Variants in MARVELD2 observed in about 807,000 individuals in gnomAD.
MARVELD2 encodes the protein MARVEL domain-containing protein 2.
In MARVELD2, 49 loss-of-function variants were observed where a neutral mutation model predicts 57.6. The observed-to-expected ratio is 0.85, with a 90% confidence interval of 0.68 to 1.08. MARVELD2 has a LOEUF of 1.08. MARVELD2 is among the 50% of genes least tolerant of loss of function. The pLI, the probability that MARVELD2 is intolerant of heterozygous loss-of-function variation, is 0.00. For missense variants in MARVELD2, 606 were observed against 701.1 expected (o/e 0.86, Z 1.53); for synonymous variants, 238 against 258.8 (o/e 0.92, Z 0.77).
At chr5:69,428,524 A>C (rs1479765480) in intron 3 of MARVELD2, among the ~76,000 whole-genome samples, 1 of 110,442 alleles carries the variant, frequency 9.1e-6, no homozygotes, top group Non-Finnish European at 1.9e-5. Context: ...AAATAAATTA[A>C]GTAATTAAAA....
intron 2 of MARVELD2, among the ~76,000 whole-genome samples, chr5:69,421,520 T>G (rs1392268052): frequency 1.3e-5 from 2 of 152,226 alleles, no homozygotes; most frequent in East Asian, 3.8e-4. Context: ...AAATAAAAAT[T>G]AAATCCTGTC....
chr5:69,426,024 G>A (rs1015284425), intron 3 of MARVELD2, among the ~76,000 whole-genome samples: 1 of 151,866 alleles, frequency 6.6e-6, no homozygotes, highest in Non-Finnish European at 1.5e-5. Flanking sequence ...TTATGGGTGT[G>A]AGCCAGCATG....
chr5:69,433,450 C>A (rs1403764474), intron 5 of MARVELD2, among the ~76,000 whole-genome samples: 1 of 129,594 alleles, frequency 7.7e-6, no homozygotes, highest in East Asian at 2.3e-4. Flanking sequence ...CCGCATTTGG[C>A]ATAAAATCTG....
intron 5 of MARVELD2, among the ~76,000 whole-genome samples, chr5:69,435,013 A>G (rs1767087933): frequency 7.4e-6 from 1 of 135,230 alleles, no homozygotes; most frequent in Non-Finnish European, 1.6e-5. Context: ...TTTTTTAATC[A>G]GATGTACTCT....
chr5:69,427,503 C>T (rs1301792386), intron 3 of MARVELD2, among the ~76,000 whole-genome samples: 1 of 151,756 alleles, frequency 6.6e-6, no homozygotes, highest in Non-Finnish European at 1.5e-5. Flanking sequence ...CTCCGACTTC[C>T]TGGTTCAAGC....
chr5:69,437,545 A>G (rs960419108), intron 5 of MARVELD2, among the ~76,000 whole-genome samples: 3 of 149,648 alleles, frequency 2.0e-5, no homozygotes, highest in Non-Finnish European at 4.5e-5. Flanking sequence ...TTAGCCGAGC[A>G]TGGTGGTGGG....
intron 2 of MARVELD2, among the ~76,000 whole-genome samples, chr5:69,422,922 T>C (rs1195570212): frequency 1.3e-5 from 2 of 152,236 alleles, no homozygotes; most frequent in East Asian, 3.9e-4. Flanking sequence ...GGGATGAATT[T>C]CCCCCAATAT....
rs746347810 is a variant in MARVELD2 at position 69,436,452 on chromosome 5, C to CACAT, written c.1503+3360_1503+3361insCATA. Reference sequence around the variant, plus strand: ...ACACACACACACACACACACACACACATATATATAAATTTTTTACCTGAGA... The same window carrying CACAT: ...ACACACACACACACACACACACACACACATATATATATAAATTTTTTACCTGAGA... On this transcript the variant is annotated intron_variant, in intron 5 of 6. Transcript: ENST00000325631. Among the ~76,000 whole-genome samples, 15 of 69,534 alleles carry CACAT rather than the reference C, an allele frequency of 2.2e-4. No individual in the cohort carries two copies. In the East Asian group the frequency reaches 6.1e-3, roughly 28 times the overall value. 45.6% of individuals were successfully genotyped at this position (69,534 alleles called of 152,430 possible).
chr5:69,433,089 G>T lies in MARVELD2; in HGVS notation c.1499G>T (p.Arg500Leu), dbSNP rs746116082. The change falls in exon 5 of 7, where the codon CGA becomes CTA. Residue 500 changes from arginine to leucine, a missense_variant. By Grantham distance (102) the Arg-to-Leu change is moderately radical. Coordinates refer to ENST00000325631, the MANE Select transcript of MARVELD2 (RefSeq NM_001038603.3). The stretch of plus-strand genomic sequence containing the variant: ...AGATTGCCACATCATTCGGAAAGCC[G>T]ACAGGTTAGTATGTGCAGCTGCCTA... Reference protein sequence around the residue: ...MSRLPHHSESRQEHERISRIH... With the variant: ...MSRLPHHSESLQEHERISRIH... 1 of 1,612,080 alleles carries T rather than the reference G, an allele frequency of 6.2e-7. No individual in the cohort carries two copies. The highest frequency in any genetic ancestry group is 8.5e-7 in the Non-Finnish European group (1 of 1,179,264).
At chr5:69,417,155 A>T (rs1373645988) in intron 1 of MARVELD2, among the ~76,000 whole-genome samples, 1 of 152,224 alleles carries the variant, frequency 6.6e-6, no homozygotes, top group African/African-American at 2.4e-5. Context: ...CTTGTCCCTG[A>T]TAATGGCCTG....
rs150257642 is a variant in MARVELD2 at position 69,420,186 on chromosome 5, C to T, written c.801C>T (p.Thr267=). Reference sequence around the variant, plus strand: ...TTGCTGGATTAGCTTGGATCACCACCATTATTATTCTGGTTCTTGGCATGT... The same window carrying T: ...TTGCTGGATTAGCTTGGATCACCACTATTATTATTCTGGTTCTTGGCATGT... ...LVVAGLAWIT[T]IIILVLGMSM... is the part of the protein sequence containing the mutation. Residue 267 remains threonine, a synonymous_variant, in exon 2 of 7, where the codon ACC becomes ACT. Transcript: ENST00000325631. 6 of 1,614,076 alleles carry T rather than the reference C, an allele frequency of 3.7e-6. No homozygotes were observed. The African/African-American group carries it at 8.0e-5, about 22-fold the overall frequency.
chr5:69,433,116 G>C (rs1362597464), intron 5 of MARVELD2, 23 bp downstream of exon 5: 2 of 1,599,652 alleles, frequency 1.3e-6, no homozygotes, highest in Admixed American at 1.7e-5. Context: ...AGCTGCCTAG[G>C]AGGAGCACTG....
At chr5:69,433,153 CTTTTTTTT>C (rs11345515) in intron 5 of MARVELD2, 60 bp downstream of exon 5, 19 of 478,138 alleles carry the variant, frequency 4.0e-5, no homozygotes, top group African/African-American at 1.3e-4. Context: ...TAAAATCTGG[CTTTTTTTT>C]TTTTTTTTTT....
At chr5:69,415,362 G>A (rs1407785795) in intron 1 of MARVELD2, 192 bp downstream of exon 1, 1 of 152,154 alleles carries the variant, frequency 6.6e-6, no homozygotes, top group Non-Finnish European at 1.5e-5. Context: ...AGGTGCGGCC[G>A]AGCCGCCGTC....
rs1362189061 is a variant in MARVELD2, at chr5:69,442,447, C to G, written c.*793C>G. 1.3e-5 allele frequency: 2 copies of G among 152,140 alleles called. No individual in the cohort carries two copies. The highest frequency in any genetic ancestry group is 2.9e-5 in the Non-Finnish European group (2 of 68,038). The allele number at this position is 152,140 out of a possible 1,614,324, so 9.4% of individuals were successfully genotyped here. A position where few individuals can be genotyped will look rare whatever the true frequency, so the allele number is the denominator to read the frequency against. On this transcript the variant is annotated 3_prime_UTR_variant, in exon 7 of 7. Coordinates refer to ENST00000325631, the MANE Select transcript of MARVELD2 (RefSeq NM_001038603.3). ...TGCTTAATCTCTCTGTGCCTGTTTC[C>G]TCTTCTGTAAAATGGGGCTAATAAT...
intron 5 of MARVELD2, among the ~76,000 whole-genome samples, chr5:69,433,895 A>G (rs1252554345): frequency 2.6e-5 from 4 of 152,116 alleles, no homozygotes; most frequent in Non-Finnish European, 2.9e-5. Flanking sequence ...GTCTTCAATT[A>G]TTAAACAGTA....
Position 69,420,007 on chromosome 5 carries a change from TTTGC to T in MARVELD2, c.626_629del (p.Ala209ValfsTer53). The T allele has an allele frequency of 1.2e-6, 2 of 1,614,148 alleles. No individual in the cohort carries two copies. The highest frequency in any genetic ancestry group is 8.5e-7 in the Non-Finnish European group (1 of 1,180,024). ...GGAGCTGCTTTTGGGGGCCGGTGTCTTTGCTTGTGTCACAGCTTACATTCACAAG... is the reference window on the plus strand; with the variant it reads ...GGAGCTGCTTTTGGGGGCCGGTGTCTTTGTGTCACAGCTTACATTCACAAG... On this transcript the variant is annotated frameshift_variant, in exon 2 of 7. Transcript: ENST00000325631. LOFTEE classifies it high-confidence loss of function.
In MARVELD2 at chr5:69,432,928, C is replaced by T; in HGVS notation, c.1338C>T (p.Tyr446=). 1.2e-6 allele frequency: 2 copies of T among 1,614,180 alleles called. No homozygotes were observed. Among genetic ancestry groups the T allele is most frequent in the Non-Finnish European group, 1.7e-6 (2 of 1,180,040 alleles). The change falls in exon 5 of 7, where the codon TAC becomes TAT. Residue 446 remains tyrosine, a synonymous_variant. Transcript: ENST00000325631. ...GCTTATGTTTTTCCCCTAGAAAATACCCTGTGATTCAGACAGATGATGAGC... is the reference window on the plus strand; with the variant it reads ...GCTTATGTTTTTCCCCTAGAAAATATCCTGTGATTCAGACAGATGATGAGC... The part of the protein sequence containing the change: ...PIVMPDYVAK[Y]PVIQTDDERE...
intron 1 of MARVELD2, among the ~76,000 whole-genome samples, chr5:69,417,490 A>G (rs867651042): frequency 2.0e-5 from 3 of 152,158 alleles, no homozygotes; most frequent in Non-Finnish European, 2.9e-5. Flanking sequence ...GGAATTTCCA[A>G]ATTGTTCAAC....
Sources: allele counts gnomAD v4.1 joint callset (sites outside exome capture counted in the v4.1 genomes callset), GRCh38; gene constraint gnomAD v4.1.1; transcripts MANE v1.5; gene names NCBI Gene and HGNC (gene_info 2026-07-23, HGNC 2026-07-21).